CTLA4: variants seen among roughly 807,000 people sequenced by gnomAD.
CTLA4 encodes the protein cytotoxic T-lymphocyte associated protein 4.
Under a neutral mutation model 20.4 loss-of-function variants are expected in CTLA4, and 3 were observed. The observed-to-expected ratio is 0.15, with a 90% confidence interval of 0.07 to 0.38. The LOEUF (loss-of-function observed/expected upper bound fraction) is 0.38. Ranked by LOEUF, CTLA4 falls within the 10% of genes least tolerant of loss-of-function variation. The probability of loss-of-function intolerance (pLI) is 1.00; values close to 1 mark genes in which losing one functional copy is unlikely to be tolerated. For missense variants in CTLA4, 184 were observed against 276.8 expected (o/e 0.66, Z 2.38); for synonymous variants, 100 against 105.2 (o/e 0.95, Z 0.30).
In CTLA4 at chr2:203,870,546, G is replaced by A. The variant is rs1581573582; in HGVS notation, c.110-40G>A. On this transcript the variant is annotated intron_variant, in intron 1 of 3. Coordinates refer to ENST00000648405, the MANE Select transcript of CTLA4 (RefSeq NM_005214.5). This position sits in a 1 kb window ranked among gnomAD's most constrained non-coding sequence, Gnocchi z 5.3. ...CTTGCCTGGGCTTGGCCATGAAGGA[G>A]CATGAGTTCACTGAGTTCCCTTTGG... 1.3e-6 allele frequency: 2 copies of A among 1,596,834 alleles called. No individual in the cohort carries two copies. Among genetic ancestry groups the A allele is most frequent in the Non-Finnish European group, 1.7e-6 (2 of 1,169,100 alleles).
chr2:203,870,980 T>G lies in CTLA4; in HGVS notation c.457+47T>G. On this transcript the variant is annotated intron_variant, in intron 2 of 3. Coordinates refer to ENST00000648405, the MANE Select transcript of CTLA4 (RefSeq NM_005214.5). The surrounding 1 kb of genome is among the most constrained non-coding windows in gnomAD (Gnocchi z 5.3). The stretch of plus-strand genomic sequence containing the variant: ...AGTTGACACCTGTTGCATTGCAGTC[T>G]TCTATGCACAAAAACAGTTTTGTTC... 9 of 1,453,348 alleles carry G rather than the reference T, an allele frequency of 6.2e-6. No homozygotes were observed. Among genetic ancestry groups the G allele is most frequent in the Non-Finnish European group, 7.6e-6 (8 of 1,051,150 alleles). The allele number at this position is 1,453,348 out of a possible 1,614,324, so 90.0% of individuals were successfully genotyped here. A position where few individuals can be genotyped will look rare whatever the true frequency, so the allele number is the denominator to read the frequency against.
At chr2:203,871,998 C>T (rs1030519210) in intron 3 of CTLA4, among the ~76,000 whole-genome samples, 4 of 152,158 alleles carry the variant, frequency 2.6e-5, no homozygotes, top group Non-Finnish European at 5.9e-5. Context: ...TTGACTGGGA[C>T]GTTTTGCCTT....
In CTLA4 at chr2:203,873,178, G is replaced by A. The variant is rs1437713648; in HGVS notation, c.*366G>A. The A allele has an allele frequency of 7.4e-6, 3 of 403,134 alleles. No homozygotes were observed. The highest frequency in any genetic ancestry group is 2.1e-5 in the African/African-American group (1 of 48,726). The allele number at this position is 403,134 out of a possible 1,614,324, so 25.0% of individuals were successfully genotyped here. ...TATATTGTACACACCTTATATTTAC[G>A]TATGAGACGTTTATAGCCGAAATGA... On this transcript the variant is annotated 3_prime_UTR_variant, in exon 4 of 4. Transcript: ENST00000648405.
intron 1 of CTLA4, 136 bp downstream of exon 1, chr2:203,868,187 C>T: frequency 1.5e-6 from 1 of 685,846 alleles, no homozygotes; most frequent in Non-Finnish European, 2.5e-6. Context: ...GCTTGGCTGG[C>T]TCTGTATTCC....
At position 203,867,939 on chromosome 2, in the gene CTLA4, A is replaced by G. The variant is rs1581571778; in HGVS notation, c.-4A>G. ...GAAGACCTGAACACCGCTCCCATAA[A>G]GCCATGGCTTGCCTTGGATTTCAGC... On this transcript the variant is annotated 5_prime_UTR_variant, in exon 1 of 4. Coordinates refer to ENST00000648405, the MANE Select transcript of CTLA4 (RefSeq NM_005214.5). The G allele has an allele frequency of 6.2e-7, 1 of 1,613,300 alleles. No homozygotes were observed. Among genetic ancestry groups the G allele is most frequent in the Middle Eastern group, 1.7e-4 (1 of 6,054 alleles).
chr2:203,872,573 A>G, intron 3 of CTLA4, 135 bp from the exon 4 acceptor site: 2 of 477,496 alleles, frequency 4.2e-6, no homozygotes, highest in Non-Finnish European at 7.5e-6. Flanking sequence ...AAATCTCCTG[A>G]GGTTTATAAT....
At position 203,868,014 on chromosome 2, in the gene CTLA4, C is replaced by T; in HGVS notation, c.72C>T (p.Leu24=). 4 of 1,614,092 alleles carry T rather than the reference C, an allele frequency of 2.5e-6. No homozygotes were observed. The highest frequency in any genetic ancestry group is 3.4e-6 in the Non-Finnish European group (4 of 1,179,944). Residue 24 remains leucine, a synonymous_variant, in exon 1 of 4, where the codon CTC becomes CTT. Transcript: ENST00000648405. ...CTACCAGGACCTGGCCCTGCACTCT[C>T]CTGTTTTTTCTTCTCTTCATCCCTG... ...NLATRTWPCT[L]LFFLLFIPVF... is the part of the protein sequence containing the mutation.
chr2:203,872,074 A>G (rs1688743485), intron 3 of CTLA4, among the ~76,000 whole-genome samples: 1 of 152,144 alleles, frequency 6.6e-6, no homozygotes. Flanking sequence ...TGGTGGTAGA[A>G]GAGGTAGAAT....
intron 1 of CTLA4, among the ~76,000 whole-genome samples, chr2:203,868,847 C>G (rs1688676454): frequency 6.6e-6 from 1 of 152,144 alleles, no homozygotes; most frequent in African/African-American, 2.4e-5. Flanking sequence ...AACCTTATCT[C>G]TCTCTAGACC....
At position 203,868,071 on chromosome 2, in the gene CTLA4, C is replaced by T; in HGVS notation, c.109+20C>T. The T allele has an allele frequency of 6.4e-7, 1 of 1,551,540 alleles. No individual in the cohort carries two copies. The highest frequency in any genetic ancestry group is 8.9e-7 in the Non-Finnish European group (1 of 1,123,050). On this transcript the variant is annotated intron_variant, in intron 1 of 3. Coordinates refer to ENST00000648405, the MANE Select transcript of CTLA4 (RefSeq NM_005214.5). Reference sequence around the variant, plus strand: ...GCAAAGGTGAGTGAGACTTTTGGAGCATGAAGATGGAGGAGGTGTTTCTCC... The same window carrying T: ...GCAAAGGTGAGTGAGACTTTTGGAGTATGAAGATGGAGGAGGTGTTTCTCC...
chr2:203,869,535 TTC>T, intron 1 of CTLA4, among the ~76,000 whole-genome samples: 1 of 152,310 alleles, frequency 6.6e-6, no homozygotes, highest in East Asian at 1.9e-4. Flanking sequence ...GTCCTAGAAA[TTC>T]AGACCAGAGT....
At chr2:203,872,350 AC>A (rs990849683) in intron 3 of CTLA4, among the ~76,000 whole-genome samples, 3 of 152,206 alleles carry the variant, frequency 2.0e-5, no homozygotes, top group African/African-American at 7.2e-5. Flanking sequence ...GATGAGAAAT[AC>A]AGCTCTCAAA....
chr2:203,870,437 G>T lies in CTLA4; in HGVS notation c.110-149G>T, dbSNP rs1688707646. On this transcript the variant is annotated intron_variant, in intron 1 of 3. Coordinates refer to ENST00000648405, the MANE Select transcript of CTLA4 (RefSeq NM_005214.5). The surrounding 1 kb of genome is among the most constrained non-coding windows in gnomAD (Gnocchi z 5.3). Reference sequence around the variant, plus strand: ...GTTGAGAGATGGAGGGGAGGCTGGGGGTGTGGAGAGGGGAAGGGGTAAGTG... The same window carrying T: ...GTTGAGAGATGGAGGGGAGGCTGGGTGTGTGGAGAGGGGAAGGGGTAAGTG... 2 of 686,818 alleles carry T rather than the reference G, an allele frequency of 2.9e-6. No homozygotes were observed. Among genetic ancestry groups the T allele is most frequent in the Non-Finnish European group, 4.9e-6 (2 of 412,154 alleles). 42.5% of individuals were successfully genotyped at this position (686,818 alleles called of 1,614,324 possible). A position where few individuals can be genotyped will look rare whatever the true frequency, so the allele number is the denominator to read the frequency against.
rs778114608 is a variant in CTLA4, at chr2:203,872,794, T to C, written c.654T>C (p.Tyr218=). 7 of 1,606,566 alleles carry C rather than the reference T, an allele frequency of 4.4e-6. No homozygotes were observed. In the South Asian group the frequency reaches 7.7e-5, roughly 18 times the overall value. ...EPECEKQFQP[Y]FIPIN ...AATGTGAAAAGCAATTTCAGCCTTA[T>C]TTTATTCCCATCAATTGAGAAACCA... is the stretch of plus-strand genomic sequence containing the variant. Residue 218 remains tyrosine, a synonymous_variant, in exon 4 of 4, where the codon TAT becomes TAC. Transcript: ENST00000648405.
intron 3 of CTLA4, 90 bp downstream of exon 3, chr2:203,871,577 T>TTGAGA: frequency 9.8e-7 from 1 of 1,024,104 alleles, no homozygotes; most frequent in Non-Finnish European, 1.5e-6. Context: ...TTTAGTGTTC[T>TTGAGA]TGAGATGAGA....
At position 203,873,281 on chromosome 2, in the gene CTLA4, T is replaced by G; in HGVS notation, c.*469T>G. On this transcript the variant is annotated 3_prime_UTR_variant, in exon 4 of 4. Coordinates refer to ENST00000648405, the MANE Select transcript of CTLA4 (RefSeq NM_005214.5). Reference sequence around the variant, plus strand: ...CATCAAGGCTTCAAAAATACTCACATGGCTATGTTTTAGCCAGTGATGCTA... The same window carrying G: ...CATCAAGGCTTCAAAAATACTCACAGGGCTATGTTTTAGCCAGTGATGCTA... 1 of 338,968 alleles carries G rather than the reference T, an allele frequency of 3.0e-6. No individual in the cohort carries two copies. The highest frequency in any genetic ancestry group is 1.8e-4 in the South Asian group (1 of 5,614). 21.0% of individuals were successfully genotyped at this position (338,968 alleles called of 1,614,324 possible). A position where few individuals can be genotyped will look rare whatever the true frequency, so the allele number is the denominator to read the frequency against.
rs1311750210 is a variant in CTLA4 at position 203,873,899 on chromosome 2, C to T, written c.*1087C>T. The T allele has an allele frequency of 1.7e-5, 4 of 229,312 alleles. No individual in the cohort carries two copies. The highest frequency in any genetic ancestry group is 2.2e-5 in the African/African-American group (1 of 45,046). 14.2% of individuals were successfully genotyped at this position (229,312 alleles called of 1,614,324 possible). ...CTTGTGTTTTTAACTCAATATTTTC[C>T]ATGAAAATGCAACAACATGTATAAT... On this transcript the variant is annotated 3_prime_UTR_variant, in exon 4 of 4. Transcript: ENST00000648405.
In CTLA4 at chr2:203,867,868, C is replaced by G. The variant is rs1278517784; in HGVS notation, c.-75C>G. On this transcript the variant is annotated 5_prime_UTR_variant, in exon 1 of 4. Transcript: ENST00000648405. ...GTCCTTGATTCTGTGTGGGTTCAAA[C>G]ACATTTCAAAGCTTCAGGATCCTGA... The G allele has an allele frequency of 9.2e-7, 1 of 1,081,766 alleles. No homozygotes were observed. The highest frequency in any genetic ancestry group is 2.4e-5 in the East Asian group (1 of 41,128). The allele number at this position is 1,081,766 out of a possible 1,614,324, so 67.0% of individuals were successfully genotyped here.
chr2:203,869,768 T>A (rs1182910696), intron 1 of CTLA4, among the ~76,000 whole-genome samples: 4 of 152,164 alleles, frequency 2.6e-5, no homozygotes, highest in Non-Finnish European at 4.4e-5. Flanking sequence ...TGCAAGCCTC[T>A]CTGTATGGAG....
Sources: gnomAD v4.1 joint callset for allele counts (sites outside exome capture counted in the v4.1 genomes callset) on GRCh38, gnomAD v4.1.1 for gene constraint, Gnocchi (gnomAD v3.1) non-coding constraint, MANE v1.5 for transcripts, NCBI Gene and HGNC (gene_info 2026-07-23, HGNC 2026-07-21) for gene names.